Variants in TMEM132B observed in about 807,000 individuals in gnomAD.
The protein encoded by TMEM132B is transmembrane protein 132B.
Under a neutral mutation model 90.8 loss-of-function variants are expected in TMEM132B, and 18 were observed. The ratio of observed to expected loss-of-function variants is 0.20; its 90% CI spans 0.14 to 0.29. The LOEUF (loss-of-function observed/expected upper bound fraction) is 0.29, where lower values mean the gene tolerates loss of function less well. Among genes scored for constraint, TMEM132B ranks in the 10% least tolerant of loss-of-function variants. The pLI is 1.00. For missense variants in TMEM132B, 1,096 were observed against 1,326.8 expected, an observed-to-expected ratio of 0.83 and a Z score of 2.70; for synonymous variants, 504 against 523.3, an observed-to-expected ratio of 0.96 and a Z score of 0.50.
intron 1 of TMEM132B, among the ~76,000 whole-genome samples, chr12:125,295,515 T>TGTGAGAGAGAGAGA (rs531489519): frequency 0.011 from 1,529 of 142,248 alleles, 24 homozygotes; most frequent in African/African-American, 0.039. Context: ...TGTGTGTGTG[T>TGTGAGAGAGAGAGA]GAGAGAGAGA....
At chr12:125,517,326 GATTTTTTTTTTTT>G (rs1883186970) in intron 3 of TMEM132B, among the ~76,000 whole-genome samples, 5 of 88,032 alleles carry the variant, frequency 5.7e-5, no homozygotes, top group South Asian at 3.9e-4. Context: ...ATGCCCTGCT[GATTTTTTTTTTTT>G]TTTTTTTTTT....
intron 3 of TMEM132B, among the ~76,000 whole-genome samples, chr12:125,493,507 G>A (rs567776984): frequency 5.3e-5 from 8 of 152,232 alleles, no homozygotes; most frequent in Admixed American, 2.0e-4. Context: ...TACCCAGCAT[G>A]TTAGTTTTTC....
At chr12:125,585,357 G>A (rs1885156313) in intron 5 of TMEM132B, 1 of 152,146 alleles carries the variant, frequency 6.6e-6, no homozygotes, top group Admixed American at 6.5e-5. Context: ...TCAGAGTTTA[G>A]AAAGAGCTGA....
At chr12:125,621,427 G>A (rs145438926) in intron 5 of TMEM132B, among the ~76,000 whole-genome samples, 58 of 152,244 alleles carry the variant, frequency 3.8e-4, no homozygotes, top group African/African-American at 1.3e-3. Flanking sequence ...GGTGCATGTT[G>A]GTGGGAGTAT....
chr12:125,373,831 G>A (rs574623458), intron 2 of TMEM132B, among the ~76,000 whole-genome samples: 47 of 152,264 alleles, frequency 3.1e-4, no homozygotes, highest in Non-Finnish European at 5.1e-4. Flanking sequence ...GTTTCACTCT[G>A]TCTCCCAGGC....
At chr12:125,206,932 T>C (rs1176328789) in intron 1 of TMEM132B, among the ~76,000 whole-genome samples, 2 of 152,196 alleles carry the variant, frequency 1.3e-5, no homozygotes, top group Non-Finnish European at 2.9e-5. Context: ...GTTCCTCCCA[T>C]GCTTCTCGCA....
intron 3 of TMEM132B, among the ~76,000 whole-genome samples, chr12:125,453,871 T>C (rs1398526114): frequency 1.3e-5 from 2 of 152,208 alleles, no homozygotes; most frequent in Non-Finnish European, 2.9e-5. Flanking sequence ...CGACTCTGCT[T>C]GTCACCATGC....
At chr12:125,341,871 T>C (rs1877190201) in intron 1 of TMEM132B, among the ~76,000 whole-genome samples, 1 of 152,154 alleles carries the variant, frequency 6.6e-6, no homozygotes, top group Non-Finnish European at 1.5e-5. Context: ...GAGCTTACTT[T>C]TGTGGGGAGA....
chr12:125,200,987 C>T (rs1873044054), intron 1 of TMEM132B, among the ~76,000 whole-genome samples: 1 of 152,222 alleles, frequency 6.6e-6, no homozygotes, highest in African/African-American at 2.4e-5. Context: ...GTCTATGCCT[C>T]TGTAGCACTT....
At chr12:125,381,723 T>C (rs772750259) in intron 2 of TMEM132B, among the ~76,000 whole-genome samples, 38 of 152,172 alleles carry the variant, frequency 2.5e-4, no homozygotes, top group Non-Finnish European at 5.0e-4. Context: ...CATATGTGTA[T>C]GCATATGTGC....
At position 125,656,316 on chromosome 12, in the gene TMEM132B, T is replaced by G. The variant is rs1238239375; in HGVS notation, c.*1606T>G. On this transcript the variant is annotated 3_prime_UTR_variant, in exon 9 of 9. Transcript: ENST00000682704. ...CAGGGGGTCACCTGAAGCAGTGCCCTGACTCCAAATGGCTGATAACTGAGC... is the reference window on the plus strand; with the variant it reads ...CAGGGGGTCACCTGAAGCAGTGCCCGGACTCCAAATGGCTGATAACTGAGC... 6.6e-6 allele frequency: 1 copy of G among 152,220 alleles called. No homozygotes were observed. The highest frequency in any genetic ancestry group is 1.5e-5 in the Non-Finnish European group (1 of 68,024). The allele number at this position is 152,220 out of a possible 1,614,324, so 9.4% of individuals were successfully genotyped here.
At chr12:125,434,687 T>G (rs1880648756) in intron 3 of TMEM132B, among the ~76,000 whole-genome samples, 1 of 152,244 alleles carries the variant, frequency 6.6e-6, no homozygotes, top group Admixed American at 6.5e-5. Flanking sequence ...CAGTTCTCCC[T>G]TGCCCTTTCA....
intron 4 of TMEM132B, among the ~76,000 whole-genome samples, chr12:125,520,023 T>G (rs950281790): frequency 3.3e-5 from 5 of 152,134 alleles, no homozygotes; most frequent in African/African-American, 9.7e-5. Flanking sequence ...GTCTCCCAGG[T>G]AACTTATGGA....
intron 3 of TMEM132B, among the ~76,000 whole-genome samples, chr12:125,473,116 T>C (rs1286744532): frequency 6.6e-6 from 1 of 152,132 alleles, no homozygotes; most frequent in African/African-American, 2.4e-5. Flanking sequence ...TCCTCCTTAC[T>C]CTCTGTGCCC....
chr12:125,350,773 A>G (rs1275781189), intron 2 of TMEM132B, among the ~76,000 whole-genome samples: 1 of 152,200 alleles, frequency 6.6e-6, no homozygotes, highest in Non-Finnish European at 1.5e-5. Flanking sequence ...GGTGCTTGGG[A>G]GGATGCGTCT....
intron 1 of TMEM132B, among the ~76,000 whole-genome samples, chr12:125,214,266 A>G (rs566464819): frequency 6.6e-6 from 1 of 152,362 alleles, no homozygotes; most frequent in Admixed American, 6.5e-5. Context: ...CTTAATTGCC[A>G]TCATCAAGAC....
intron 1 of TMEM132B, among the ~76,000 whole-genome samples, chr12:125,323,550 C>G (rs1429267271): frequency 2.0e-5 from 3 of 152,200 alleles, no homozygotes; most frequent in Admixed American, 6.5e-5. Flanking sequence ...CAGGGTCTCT[C>G]TTGGTCACCC....
chr12:125,546,147 C>T (rs976515776), intron 4 of TMEM132B, among the ~76,000 whole-genome samples: 6 of 152,076 alleles, frequency 3.9e-5, no homozygotes, highest in East Asian at 1.9e-4. Context: ...CAATAAATTT[C>T]CATCCCCAAT....
intron 3 of TMEM132B, among the ~76,000 whole-genome samples, chr12:125,517,460 G>A (rs914435384): frequency 5.3e-5 from 8 of 150,726 alleles, no homozygotes; most frequent in Non-Finnish European, 1.0e-4. Context: ...CCAAAGTGCT[G>A]GGATTACAGG....
Sources: allele counts gnomAD v4.1 joint callset (sites outside exome capture counted in the v4.1 genomes callset), GRCh38; gene constraint gnomAD v4.1.1; transcripts MANE v1.5; gene names NCBI Gene and HGNC (gene_info 2026-07-23, HGNC 2026-07-21).